The following CSMD1 variants were observed in gnomAD, a reference collection of about 807,000 sequenced individuals.
CSMD1 encodes the protein CUB and sushi domain-containing protein 1.
CSMD1 carries 213 observed loss-of-function variants against 417.5 expected under a neutral mutation model. The ratio of observed to expected loss-of-function variants is 0.51; its 90% CI spans 0.46 to 0.57. The LOEUF is 0.57. CSMD1 is among the 20% of genes least tolerant of loss of function. The probability of loss-of-function intolerance (pLI) is 0.00; values close to 1 mark genes in which losing one functional copy is unlikely to be tolerated. For synonymous variants in CSMD1, 2,862 were observed against 1,736.8 expected (o/e 1.65, Z -16.11); for missense variants, 6,923 against 4,529.7 (o/e 1.53, Z -15.17).
At chr8:3,070,213 G>T (rs571071540) in intron 49 of CSMD1, among the ~76,000 whole-genome samples, 31 of 152,348 alleles carry the variant, frequency 2.0e-4, no homozygotes, top group African/African-American at 7.5e-4. Context: ...TTTCCCCATT[G>T]TTTTGGAATA....
At chr8:3,717,040 A>C (rs566577522) in intron 6 of CSMD1, among the ~76,000 whole-genome samples, 56 of 152,272 alleles carry the variant, frequency 3.7e-4, no homozygotes, top group African/African-American at 1.3e-3. Context: ...GAAATGGTAG[A>C]AGCAGGGTTT....
chr8:4,880,385 C>T (rs1006763126), intron 1 of CSMD1, among the ~76,000 whole-genome samples: 15 of 152,018 alleles, frequency 9.9e-5, no homozygotes, highest in African/African-American at 3.1e-4. Context: ...CACTTGTTTG[C>T]CTCCAAAAGA....
Position 4,353,068 on chromosome 8 carries a change from T to G in CSMD1, c.415+66885A>C, listed in dbSNP as rs146652367. On this transcript the variant is annotated intron_variant, in intron 3 of 69. Coordinates refer to ENST00000635120, the MANE Select transcript of CSMD1 (RefSeq NM_033225.6). ...AGATTGTAGAAAGAGTAAAATCAGA[T>G]ATTGTCAACTTCACTTATTTTTTAC... Among the ~76,000 whole-genome samples the G allele has an allele frequency of 6.6e-3, 999 of 152,332 alleles. 35 individuals carry two copies. Among genetic ancestry groups the G allele is most frequent in the Admixed American group, 0.061 (935 of 15,292 alleles).
intron 13 of CSMD1, among the ~76,000 whole-genome samples, chr8:3,408,922 A>G (rs893642852): frequency 2.6e-5 from 4 of 152,204 alleles, no homozygotes; most frequent in Non-Finnish European, 4.4e-5. Context: ...TACAAATAAA[A>G]AAAACCTCTC....
At chr8:4,931,484 G>C (rs771385643) in intron 1 of CSMD1, among the ~76,000 whole-genome samples, 1 of 152,092 alleles carries the variant, frequency 6.6e-6, no homozygotes, top group Non-Finnish European at 1.5e-5. Context: ...AGCAATCATG[G>C]AAACACATGT....
intron 10 of CSMD1, among the ~76,000 whole-genome samples, chr8:3,557,951 G>A (rs147950524): frequency 8.0e-4 from 122 of 152,242 alleles, no homozygotes; most frequent in African/African-American, 2.6e-3. Flanking sequence ...AAAACATTGT[G>A]GAATGTGTGC....
chr8:4,368,177 A>G (rs527940873), intron 3 of CSMD1, among the ~76,000 whole-genome samples: 1 of 152,040 alleles, frequency 6.6e-6, no homozygotes, highest in Non-Finnish European at 1.5e-5. Context: ...TTCAATGCCT[A>G]ATTTGTTGAG....
intron 12 of CSMD1, among the ~76,000 whole-genome samples, chr8:3,427,483 T>G (rs866277639): frequency 6.6e-6 from 1 of 152,144 alleles, no homozygotes; most frequent in African/African-American, 2.4e-5. Context: ...AATGAAGATT[T>G]TCACAGTCAA....
chr8:4,328,599 G>A (rs780271165), intron 3 of CSMD1, among the ~76,000 whole-genome samples: 9 of 151,866 alleles, frequency 5.9e-5, no homozygotes, highest in Non-Finnish European at 1.2e-4. Context: ...TAAAAATGAA[G>A]TCATTTTGTT....
At chr8:4,733,977 A>G (rs1028674370) in intron 1 of CSMD1, among the ~76,000 whole-genome samples, 2 of 152,220 alleles carry the variant, frequency 1.3e-5, no homozygotes, top group Non-Finnish European at 2.9e-5. Flanking sequence ...GCCCCTATGC[A>G]TGTGAAGTGA....
intron 3 of CSMD1, among the ~76,000 whole-genome samples, chr8:4,348,448 T>G (rs980745380): frequency 2.6e-5 from 4 of 152,190 alleles, no homozygotes; most frequent in African/African-American, 7.2e-5. Flanking sequence ...ATTAGGCCTT[T>G]CTGATCATTT....
At chr8:3,327,204 A>G (rs188055767) in intron 23 of CSMD1, among the ~76,000 whole-genome samples, 2,401 of 151,626 alleles carry the variant, frequency 0.016, 69 homozygotes, top group African/African-American at 0.055. Context: ...GTGCAGTGGC[A>G]GGATCTCTGC....
chr8:4,994,075 C>T (rs997299462), intron 1 of CSMD1, among the ~76,000 whole-genome samples: 1 of 151,542 alleles, frequency 6.6e-6, no homozygotes, highest in Non-Finnish European at 1.5e-5. Context: ...CCTGTACTGC[C>T]GAGAAAAAGA....
chr8:3,651,756 A>G (rs2449205), intron 7 of CSMD1, among the ~76,000 whole-genome samples: 59,028 of 151,276 alleles, frequency 0.39, 12,216 homozygotes, highest in Non-Finnish European at 0.47. Context: ...CACTATACTT[A>G]CTACCAACAG....
chr8:3,833,876 G>T (rs927976418), intron 5 of CSMD1, among the ~76,000 whole-genome samples: 1 of 152,134 alleles, frequency 6.6e-6, no homozygotes, highest in South Asian at 2.1e-4. Context: ...TTGAAGTGTA[G>T]TTGTAAACAC....
At chr8:4,355,392 G>C (rs563549674) in intron 3 of CSMD1, among the ~76,000 whole-genome samples, 37 of 151,942 alleles carry the variant, frequency 2.4e-4, no homozygotes, top group African/African-American at 8.4e-4. Context: ...GACGCGTTAA[G>C]AGTGTTCTTA....
chr8:3,150,350 C>T (rs570159013), intron 40 of CSMD1, among the ~76,000 whole-genome samples: 1 of 152,316 alleles, frequency 6.6e-6, no homozygotes, highest in Non-Finnish European at 1.5e-5. Context: ...CTCCTCTTTT[C>T]TTGTGGAACA....
chr8:3,547,731 T>C (rs1226752216), intron 10 of CSMD1, among the ~76,000 whole-genome samples: 1 of 152,196 alleles, frequency 6.6e-6, no homozygotes, highest in East Asian at 1.9e-4. Flanking sequence ...TAGATCTTAT[T>C]TTGGCTTGAG....
intron 26 of CSMD1, among the ~76,000 whole-genome samples, chr8:3,255,126 G>A (rs556942743): frequency 3.7e-4 from 56 of 152,264 alleles, no homozygotes; most frequent in Admixed American, 3.3e-3. Flanking sequence ...TGGAGTTTGC[G>A]GAGGTCCACT....
Sources: gnomAD v4.1 joint callset for allele counts (sites outside exome capture counted in the v4.1 genomes callset) on GRCh38, gnomAD v4.1.1 for gene constraint, MANE v1.5 for transcripts, NCBI Gene and HGNC (gene_info 2026-07-23, HGNC 2026-07-21) for gene names.